The following OSBPL8 variants were observed in gnomAD, a reference collection of about 807,000 sequenced individuals.
OSBPL8 encodes oxysterol binding protein like 8.
OSBPL8 carries 59 observed loss-of-function variants against 125.5 expected under a neutral mutation model. The ratio of observed to expected loss-of-function variants is 0.47; its 90% CI spans 0.38 to 0.58. OSBPL8 has a LOEUF of 0.58. OSBPL8 is among the 20% of genes least tolerant of loss of function. The pLI is 0.00. For missense variants in OSBPL8, 758 were observed against 1,047.8 expected (o/e 0.72, Z 3.82); for synonymous variants, 330 against 338.9 (o/e 0.97, Z 0.29).
chr12:76,431,126 G>A (rs543098907), intron 4 of OSBPL8, among the ~76,000 whole-genome samples: 5 of 152,102 alleles, frequency 3.3e-5, no homozygotes, highest in African/African-American at 1.2e-4. Flanking sequence ...ATGAGGTGGG[G>A]GGAGGTAAAA....
intron 1 of OSBPL8, among the ~76,000 whole-genome samples, chr12:76,519,539 C>T (rs1344789309): frequency 6.6e-6 from 1 of 152,160 alleles, no homozygotes; most frequent in Non-Finnish European, 1.5e-5. Flanking sequence ...ACAGCAACGC[C>T]CCACTCCTCA....
At chr12:76,474,245 G>C (rs1239641080) in intron 2 of OSBPL8, among the ~76,000 whole-genome samples, 1 of 152,004 alleles carries the variant, frequency 6.6e-6, no homozygotes, top group African/African-American at 2.4e-5. Flanking sequence ...ATCTCCACTT[G>C]TCTGTCTAGT....
At chr12:76,556,203 T>G (rs1951092879) in intron 1 of OSBPL8, among the ~76,000 whole-genome samples, 1 of 152,186 alleles carries the variant, frequency 6.6e-6, no homozygotes, top group South Asian at 2.1e-4. Context: ...ATTTGGAGAT[T>G]CAATGGTGAG....
Position 76,363,556 on chromosome 12 carries a change from G to A in OSBPL8, c.2329-4745C>T, listed in dbSNP as rs186454582. 5.9e-4 allele frequency among the ~76,000 whole-genome samples: 89 copies of A among 152,124 alleles called. 2 individuals are homozygous for A. The highest frequency in any genetic ancestry group is 2.1e-3 in the African/African-American group (87 of 41,510). ...ACATAAGACCTAAAACCATAAAAAC[G>A]CAGAAGAAAACCTAGGAAATGCCAT... On this transcript the variant is annotated intron_variant, in intron 21 of 23. Transcript: ENST00000261183.
intron 4 of OSBPL8, among the ~76,000 whole-genome samples, chr12:76,441,843 T>G (rs1014838009): frequency 6.6e-6 from 1 of 151,898 alleles, no homozygotes. Flanking sequence ...TACAAAAAAA[T>G]AGCATGAATG....
chr12:76,402,413 G>A (rs922335002), intron 6 of OSBPL8, among the ~76,000 whole-genome samples: 1 of 152,124 alleles, frequency 6.6e-6, no homozygotes, highest in Non-Finnish European at 1.5e-5. Context: ...ACCTAGTTTG[G>A]ATACAGCTGT....
rs953886289 is a variant in OSBPL8 at position 76,416,525 on chromosome 12, G to A, written c.218-5891C>T. Among the ~76,000 whole-genome samples, 3 of 151,898 alleles carry A rather than the reference G, an allele frequency of 2.0e-5. No homozygotes were observed. The South Asian group carries it at 6.2e-4, about 31-fold the overall frequency. ...AAGAATATAAGTACAGATTTATCTAGTTTCCATGTTGTTCTCTATAAAATT... is the reference window on the plus strand; with the variant it reads ...AAGAATATAAGTACAGATTTATCTAATTTCCATGTTGTTCTCTATAAAATT... On this transcript the variant is annotated intron_variant, in intron 4 of 23. Transcript: ENST00000261183.
chr12:76,423,837 T>C (rs1869811562), intron 4 of OSBPL8, among the ~76,000 whole-genome samples: 1 of 152,186 alleles, frequency 6.6e-6, no homozygotes, highest in Non-Finnish European at 1.5e-5. Context: ...TAAAATTTAT[T>C]AGTGGCTCAT....
At chr12:76,458,979 A>C (rs1306212658) in intron 3 of OSBPL8, among the ~76,000 whole-genome samples, 1 of 152,220 alleles carries the variant, frequency 6.6e-6, no homozygotes, top group Non-Finnish European at 1.5e-5. Flanking sequence ...TTCATCAATG[A>C]AGTTAAAAAT....
At position 76,549,936 on chromosome 12, in the gene OSBPL8, A is replaced by C. The variant is rs1950889485; in HGVS notation, c.-68+9461T>G. Among the ~76,000 whole-genome samples, 3 of 10,534 alleles carry C rather than the reference A, an allele frequency of 2.8e-4. No individual in the cohort carries two copies. In the South Asian group the frequency reaches 0.029, roughly 103 times the overall value. The allele number at this position is 10,534 out of a possible 152,430, so 6.9% of individuals were successfully genotyped here. A position where few individuals can be genotyped will look rare whatever the true frequency, so the allele number is the denominator to read the frequency against. ...CAAGCAGATGCAAAAAAAAAAAAGG[A>C]AAAAAAAATATGTATAACAGAATGG... is the stretch of plus-strand genomic sequence containing the variant. On this transcript the variant is annotated intron_variant, in intron 1 of 23. Coordinates refer to ENST00000261183, the MANE Select transcript of OSBPL8 (RefSeq NM_020841.5).
At chr12:76,476,653 A>G (rs1269721245) in intron 2 of OSBPL8, among the ~76,000 whole-genome samples, 1 of 152,168 alleles carries the variant, frequency 6.6e-6, no homozygotes, top group Non-Finnish European at 1.5e-5. Flanking sequence ...ATGAAACAGA[A>G]GTGCCACATT....
At chr12:76,398,229 T>C (rs1025054916) in intron 7 of OSBPL8, among the ~76,000 whole-genome samples, 11 of 152,176 alleles carry the variant, frequency 7.2e-5, no homozygotes, top group Admixed American at 7.2e-4. Context: ...ACACTGATCA[T>C]GGCTGTAATC....
intron 21 of OSBPL8, 106 bp from the exon 22 acceptor site, chr12:76,358,917 A>G (rs939199958): frequency 1.3e-6 from 1 of 777,784 alleles, no homozygotes; most frequent in African/African-American, 1.7e-5. Context: ...ATATTCAGAA[A>G]TAAAGACAAT....
At chr12:76,356,162 T>TTTGGGGGGGGG (rs1951976766) in intron 23 of OSBPL8, 141 bp from the exon 24 acceptor site, 1 of 131,832 alleles carries the variant, frequency 7.6e-6, no homozygotes, top group African/African-American at 3.4e-5. Context: ...TATGTAGGGG[T>TTTGGGGGGGGG]GGGGGGGGGC....
intron 2 of OSBPL8, among the ~76,000 whole-genome samples, chr12:76,462,573 C>A (rs181606616): frequency 1.4e-4 from 21 of 152,196 alleles, no homozygotes; most frequent in Admixed American, 1.2e-3. Flanking sequence ...AAAAATCCTG[C>A]CCTTGGTACT....
Position 76,516,076 on chromosome 12 carries a change from C to T in OSBPL8, c.-67-28458G>A, listed in dbSNP as rs932758693. Among the ~76,000 whole-genome samples, 7 of 152,192 alleles carry T rather than the reference C, an allele frequency of 4.6e-5. No individual in the cohort carries two copies. The East Asian group carries it at 5.8e-4, about 13-fold the overall frequency. ...AGCTATAAAAGACAGGAAAATCAAA[C>T]GGCTAATCATCCATTTCAAAAAATC... On this transcript the variant is annotated intron_variant, in intron 1 of 23. Coordinates refer to ENST00000261183, the MANE Select transcript of OSBPL8 (RefSeq NM_020841.5).
intron 1 of OSBPL8, among the ~76,000 whole-genome samples, chr12:76,501,234 A>G (rs1277790024): frequency 6.6e-6 from 1 of 152,192 alleles, no homozygotes; most frequent in East Asian, 1.9e-4. Flanking sequence ...AACCCTCATT[A>G]TCTGGAAATG....
intron 21 of OSBPL8, among the ~76,000 whole-genome samples, chr12:76,359,389 A>G (rs926001401): frequency 3.9e-5 from 6 of 152,212 alleles, no homozygotes; most frequent in African/African-American, 1.4e-4. Flanking sequence ...AAACTTACTG[A>G]AAGGATTGAA....
chr12:76,554,057 A>T (rs1441341325), intron 1 of OSBPL8, among the ~76,000 whole-genome samples: 1 of 151,680 alleles, frequency 6.6e-6, no homozygotes, highest in Admixed American at 6.6e-5. Flanking sequence ...CTATTTTTTA[A>T]TTATAACAAC....
Sources: gnomAD v4.1 joint callset for allele counts (sites outside exome capture counted in the v4.1 genomes callset) on GRCh38, gnomAD v4.1.1 for gene constraint, MANE v1.5 for transcripts, NCBI Gene and HGNC (gene_info 2026-07-23, HGNC 2026-07-21) for gene names.